GABRA3: variants seen among roughly 807,000 people sequenced by gnomAD.
The protein encoded by GABRA3 is gamma-aminobutyric acid type A receptor subunit alpha3, also known as gamma-aminobutyric acid receptor subunit alpha-3.
A neutral mutation model predicts 30.1 loss-of-function variants in GABRA3; 10 were observed. That is an observed-to-expected ratio of 0.33 (90% confidence interval 0.20 to 0.56). GABRA3 has a LOEUF of 0.56. Ranked by LOEUF, GABRA3 falls within the 20% of genes least tolerant of loss-of-function variation. GABRA3 has a pLI of 0.89. For missense variants in GABRA3, 233 were observed against 392.0 expected (o/e 0.59, Z 3.42); for synonymous variants, 151 against 146.8 (o/e 1.03, Z -0.21).
chrX:152,229,508 A>G (rs1016844254), intron 5 of GABRA3, among the ~76,000 whole-genome samples: 2 of 110,769 alleles, frequency 1.8e-5, no homozygotes, highest in Non-Finnish European at 3.8e-5. Context: ...TTTGAGCAAC[A>G]ATCTGAAGCA....
intron 1 of GABRA3, among the ~76,000 whole-genome samples, chrX:152,445,300 T>C (rs1170294537): frequency 9.0e-6 from 1 of 110,505 alleles, no homozygotes; most frequent in African/African-American, 3.3e-5. Flanking sequence ...AGGAAGAGAC[T>C]ACCTGGACCA....
intron 3 of GABRA3, among the ~76,000 whole-genome samples, chrX:152,332,112 C>G (rs1161924508): frequency 8.9e-6 from 1 of 111,749 alleles, no homozygotes; most frequent in Non-Finnish European, 1.9e-5. Context: ...GTAGTTATCT[C>G]CTGAATGTCA....
intron 2 of GABRA3, among the ~76,000 whole-genome samples, chrX:152,347,730 T>C (rs1328602595): frequency 3.6e-5 from 4 of 112,223 alleles, no homozygotes; most frequent in Non-Finnish European, 7.5e-5. Flanking sequence ...CATTTCCTCC[T>C]GGTGACTGTT....
chrX:152,443,963 C>T (rs1286230696), intron 1 of GABRA3, among the ~76,000 whole-genome samples: 1 of 111,049 alleles, frequency 9.0e-6, no homozygotes. Context: ...AAAAATAGTA[C>T]ATATAAGATG....
intron 1 of GABRA3, among the ~76,000 whole-genome samples, chrX:152,427,827 A>C (rs2124542821): frequency 9.0e-6 from 1 of 111,647 alleles, no homozygotes; most frequent in African/African-American, 3.3e-5. Flanking sequence ...CATGAAGTGG[A>C]ATTTGAATTT....
intron 9 of GABRA3, chrX:152,171,303 A>C: frequency 4.5e-6 from 1 of 222,867 alleles, no homozygotes; most frequent in Non-Finnish European, 6.5e-6. Flanking sequence ...TGTTCTATAG[A>C]TGGGGAGAAG....
intron 1 of GABRA3, among the ~76,000 whole-genome samples, chrX:152,385,620 G>T (rs1331008561): frequency 9.0e-6 from 1 of 111,645 alleles, no homozygotes; most frequent in Admixed American, 9.5e-5. Context: ...GTCAATTTTG[G>T]CTTTTGTTGC....
At chrX:152,422,249 G>A (rs1019525050) in intron 1 of GABRA3, among the ~76,000 whole-genome samples, 4 of 111,440 alleles carry the variant, frequency 3.6e-5, no homozygotes, top group East Asian at 2.8e-4. Flanking sequence ...TTGCAACAAC[G>A]TGGATGAATC....
intron 3 of GABRA3, among the ~76,000 whole-genome samples, chrX:152,307,580 A>G (rs1285397818): frequency 9.0e-6 from 1 of 111,645 alleles, no homozygotes; most frequent in Non-Finnish European, 1.9e-5. Context: ...AGCCAGGAAG[A>G]GCTTCTCCCA....
chrX:152,358,212 T>C (rs977052341), intron 2 of GABRA3, among the ~76,000 whole-genome samples: 24 of 111,583 alleles, frequency 2.2e-4, no homozygotes, highest in African/African-American at 7.5e-4. Context: ...TTTGTTTGTG[T>C]CATCTCTGAT....
At chrX:152,235,520 A>G (rs1360869575) in intron 5 of GABRA3, among the ~76,000 whole-genome samples, 1 of 109,241 alleles carries the variant, frequency 9.2e-6, no homozygotes, top group Admixed American at 1.0e-4. Context: ...CAGAACTAAT[A>G]AATGGACTCA....
At chrX:152,410,157 C>T in intron 1 of GABRA3, among the ~76,000 whole-genome samples, 1 of 111,154 alleles carries the variant, frequency 9.0e-6, no homozygotes, top group East Asian at 2.8e-4. Context: ...TTTGTGAGAA[C>T]TAAAAATTAA....
chrX:152,381,574 T>C, intron 1 of GABRA3, among the ~76,000 whole-genome samples: 1 of 111,801 alleles, frequency 8.9e-6, no homozygotes, highest in East Asian at 2.8e-4. Flanking sequence ...TTATTATGTA[T>C]ACTTTAAGTT....
chrX:152,322,921 C>T (rs1939991825), intron 3 of GABRA3, among the ~76,000 whole-genome samples: 1 of 93,412 alleles, frequency 1.1e-5, no homozygotes, highest in African/African-American at 4.1e-5. Context: ...GGCGCAATCT[C>T]GGCTCACTGC....
At chrX:152,364,328 G>A (rs1386689131) in intron 2 of GABRA3, 103 bp downstream of exon 2, 2 of 744,511 alleles carry the variant, frequency 2.7e-6, no homozygotes, top group African/African-American at 4.3e-5. Flanking sequence ...AAGTATCAGA[G>A]ACCAGAGTAC....
intron 2 of GABRA3, among the ~76,000 whole-genome samples, chrX:152,359,597 T>TC (rs1638503429): frequency 9.0e-6 from 1 of 111,027 alleles, no homozygotes; most frequent in Non-Finnish European, 1.9e-5. Context: ...TTTGCTAGCT[T>TC]TGGGGTTGGT....
At chrX:152,268,041 CT>C (rs760720954) in intron 4 of GABRA3, among the ~76,000 whole-genome samples, 36 of 109,767 alleles carry the variant, frequency 3.3e-4, no homozygotes, top group African/African-American at 1.2e-3. Flanking sequence ...TTTGTTCTTA[CT>C]TTTTTTTAGT....
At chrX:152,390,801 C>A (rs756317563) in intron 1 of GABRA3, among the ~76,000 whole-genome samples, 1 of 111,114 alleles carries the variant, frequency 9.0e-6, no homozygotes, top group Non-Finnish European at 1.9e-5. Context: ...TTATTTAGAA[C>A]TTATTACATA....
chrX:152,237,882 G>A (rs1315827204), intron 5 of GABRA3, among the ~76,000 whole-genome samples: 4 of 109,990 alleles, frequency 3.6e-5, no homozygotes, highest in Non-Finnish European at 5.7e-5. Flanking sequence ...TCAGCTTAAG[G>A]ATATTTTGGG....
Sources: gnomAD v4.1 joint callset for allele counts (sites outside exome capture counted in the v4.1 genomes callset) on GRCh38, gnomAD v4.1.1 for gene constraint, MANE v1.5 for transcripts, NCBI Gene and HGNC (gene_info 2026-07-23, HGNC 2026-07-21) for gene names.